Variants in APBA2 observed in about 807,000 individuals in gnomAD.
APBA2 encodes the protein amyloid-beta A4 precursor protein-binding family A member 2.
APBA2 carries 30 observed loss-of-function variants against 75.0 expected under a neutral mutation model. The observed-to-expected ratio is 0.40, with a 90% CI of 0.30 to 0.54. The LOEUF is 0.54. Among genes scored for constraint, APBA2 ranks in the 20% least tolerant of loss-of-function variants. The pLI is 0.49. For synonymous variants in APBA2, 444 were observed against 409.6 expected, an observed-to-expected ratio of 1.08 and a Z score of -1.01; for missense variants, 801 against 1,016.1, an observed-to-expected ratio of 0.79 and a Z score of 2.88.
chr15:29,106,818 A>G lies in APBA2; in HGVS notation c.1916A>G (p.Lys639Arg), dbSNP rs765626374. ...LPLATCQGIIKGLKNQTQVKL... is the reference protein window; with the variant it reads ...LPLATCQGIIRGLKNQTQVKL... ...CTCGCCACCTGCCAAGGCATCATCAAGGTAGGCACCCTGGGATCCTCCGCC... is the reference window on the plus strand; with the variant it reads ...CTCGCCACCTGCCAAGGCATCATCAGGGTAGGCACCCTGGGATCCTCCGCC... Residue 639 changes from lysine to arginine, a missense_variant and splice_region_variant, in exon 12 of 15, where the codon AAG becomes AGG. Transcript: ENST00000683413. 6.2e-7 allele frequency: 1 copy of G among 1,612,440 alleles called. No homozygotes were observed. Among genetic ancestry groups the G allele is most frequent in the South Asian group, 1.1e-5 (1 of 91,068 alleles).
At chr15:29,079,856 C>T (rs1049135391) in intron 6 of APBA2, among the ~76,000 whole-genome samples, 2 of 152,170 alleles carry the variant, frequency 1.3e-5, no homozygotes, top group Admixed American at 6.5e-5. Context: ...CACATGATAC[C>T]GTCTGAACCC....
intron 13 of APBA2, among the ~76,000 whole-genome samples, chr15:29,109,199 A>C (rs999654347): frequency 2.6e-5 from 4 of 152,152 alleles, no homozygotes; most frequent in African/African-American, 9.7e-5. Context: ...GCCCACCCAC[A>C]GTCAGGAAAG....
chr15:29,081,246 C>T (rs1344862186), intron 6 of APBA2, among the ~76,000 whole-genome samples: 1 of 152,158 alleles, frequency 6.6e-6, no homozygotes, highest in African/African-American at 2.4e-5. Context: ...CCCACCTCCT[C>T]CTCTTTGGTG....
chr15:28,904,146 A>G (rs151015093), intron 1 of APBA2, among the ~76,000 whole-genome samples: 1 of 152,280 alleles, frequency 6.6e-6, no homozygotes, highest in East Asian at 1.9e-4. Context: ...GTATTGGAAA[A>G]CAGAGATAGC....
chr15:29,115,550 C>T (rs1341931192), intron 14 of APBA2, among the ~76,000 whole-genome samples: 3 of 152,132 alleles, frequency 2.0e-5, no homozygotes, highest in Admixed American at 6.5e-5. Flanking sequence ...CGTGGAGGAG[C>T]GGGCGGGAGA....
chr15:29,033,506 C>A lies in APBA2; in HGVS notation c.-40-20339C>A, dbSNP rs1595782591. The stretch of plus-strand genomic sequence containing the variant: ...TGACACCAGCCCCAAATTCAGGGGT[C>A]CTCAGGCCCATCCTTACTTCTTACC... On this transcript the variant is annotated intron_variant, in intron 3 of 14. Coordinates refer to ENST00000683413, the MANE Select transcript of APBA2 (RefSeq NM_001353788.2). Among the ~76,000 whole-genome samples, 5 of 152,280 alleles carry A rather than the reference C, an allele frequency of 3.3e-5. 1 individual carries two copies. Among genetic ancestry groups the A allele is most frequent in the Admixed American group, 3.3e-4 (5 of 15,296 alleles).
At chr15:28,955,257 G>GT (rs2036105150) in intron 2 of APBA2, among the ~76,000 whole-genome samples, 2 of 152,022 alleles carry the variant, frequency 1.3e-5, no homozygotes, top group Admixed American at 1.3e-4. Flanking sequence ...GTGGTCTTCG[G>GT]TTTCATTGCC....
chr15:29,105,653 A>G (rs2044366036), intron 11 of APBA2, 95 bp downstream of exon 11: 2 of 1,377,222 alleles, frequency 1.5e-6, no homozygotes, highest in Non-Finnish European at 2.0e-6. Context: ...CCTCACGCAC[A>G]CCCTTGCCTT....
intron 3 of APBA2, among the ~76,000 whole-genome samples, chr15:29,045,625 A>T (rs2041285970): frequency 6.6e-6 from 1 of 152,198 alleles, no homozygotes; most frequent in South Asian, 2.1e-4. Context: ...TGCTTACCGC[A>T]TGTTAAAAGA....
At chr15:29,074,638 C>G (rs948047930) in intron 4 of APBA2, among the ~76,000 whole-genome samples, 1 of 152,250 alleles carries the variant, frequency 6.6e-6, no homozygotes, top group East Asian at 1.9e-4. Flanking sequence ...GAACTGTACA[C>G]TTAAAAATGG....
chr15:29,071,971 A>G (rs2042642151), intron 4 of APBA2, among the ~76,000 whole-genome samples: 1 of 152,050 alleles, frequency 6.6e-6, no homozygotes. Flanking sequence ...TCCCCAGCCA[A>G]GCCTTGAGCC....
intron 2 of APBA2, among the ~76,000 whole-genome samples, chr15:28,937,418 C>T (rs1405875452): frequency 2.0e-5 from 3 of 152,130 alleles, no homozygotes; most frequent in Admixed American, 1.3e-4. Flanking sequence ...TTGCAGAGTG[C>T]GCTTGGGGTG....
intron 1 of APBA2, among the ~76,000 whole-genome samples, chr15:28,899,215 C>T (rs1299506965): frequency 6.6e-6 from 1 of 152,226 alleles, no homozygotes; most frequent in Non-Finnish European, 1.5e-5. Context: ...CCTCCCCAGG[C>T]AAGGGCCCAA....
chr15:29,067,233 A>G (rs762949920), intron 4 of APBA2, among the ~76,000 whole-genome samples: 5 of 152,206 alleles, frequency 3.3e-5, no homozygotes, highest in African/African-American at 9.6e-5. Flanking sequence ...GCATTTCAGT[A>G]TGAGATTTGG....
intron 3 of APBA2, among the ~76,000 whole-genome samples, chr15:29,047,185 A>G (rs2041378285): frequency 6.6e-6 from 1 of 152,212 alleles, no homozygotes; most frequent in Non-Finnish European, 1.5e-5. Flanking sequence ...TTTGTCTTAT[A>G]CCAAAAGTGC....
chr15:29,115,687 T>TG, intron 14 of APBA2, among the ~76,000 whole-genome samples: 1 of 152,182 alleles, frequency 6.6e-6, no homozygotes, highest in Non-Finnish European at 1.5e-5. Flanking sequence ...GGCTTGCAGT[T>TG]GCGAGGGGCC....
intron 2 of APBA2, among the ~76,000 whole-genome samples, chr15:28,944,952 G>T (rs2035458660): frequency 6.6e-6 from 1 of 152,198 alleles, no homozygotes; most frequent in African/African-American, 2.4e-5. Flanking sequence ...GTCCTGGGCT[G>T]GCAGAGGCCT....
rs1232865514 is a variant in APBA2 at position 28,902,083 on chromosome 15, G to C, written c.-205+15805G>C. Among the ~76,000 whole-genome samples the C allele has an allele frequency of 2.6e-5, 4 of 152,046 alleles. No homozygotes were observed. The East Asian group carries it at 7.8e-4, about 30-fold the overall frequency. ...GCTCATAAAAACCCGAAGGTAAAGGGGGGTGCATTTCCATCCTCGCTCCTC... is the reference window on the plus strand; with the variant it reads ...GCTCATAAAAACCCGAAGGTAAAGGCGGGTGCATTTCCATCCTCGCTCCTC... On this transcript the variant is annotated intron_variant, in intron 1 of 14. Transcript: ENST00000683413.
chr15:29,008,855 A>G (rs1238063780), intron 3 of APBA2, among the ~76,000 whole-genome samples: 2 of 151,998 alleles, frequency 1.3e-5, no homozygotes, highest in Non-Finnish European at 2.9e-5. Context: ...CCATTCCCTC[A>G]CCTCTCCTGT....
Sources: gnomAD v4.1 joint callset for allele counts (sites outside exome capture counted in the v4.1 genomes callset) on GRCh38, gnomAD v4.1.1 for gene constraint, MANE v1.5 for transcripts, NCBI Gene and HGNC (gene_info 2026-07-23, HGNC 2026-07-21) for gene names.